The following CPNE4 variants were observed in gnomAD, a reference collection of about 807,000 sequenced individuals.
The protein encoded by CPNE4 is copine-4.
CPNE4 carries 25 observed loss-of-function variants against 67.9 expected under a neutral mutation model. The observed-to-expected ratio is 0.37, with a 90% confidence interval of 0.27 to 0.51. CPNE4 has a LOEUF of 0.51. CPNE4 is among the 20% of genes least tolerant of loss of function. The probability of loss-of-function intolerance (pLI) is 0.93; values close to 1 mark genes in which losing one functional copy is unlikely to be tolerated. For synonymous variants in CPNE4, 242 were observed against 244.9 expected, an observed-to-expected ratio of 0.99 and a Z score of 0.11; for missense variants, 464 against 690.8, an observed-to-expected ratio of 0.67 and a Z score of 3.68.
intron 7 of CPNE4, among the ~76,000 whole-genome samples, chr3:131,612,571 C>T (rs1046410810): frequency 2.0e-5 from 3 of 152,122 alleles, no homozygotes; most frequent in Non-Finnish European, 4.4e-5. Flanking sequence ...GTACCTCTCT[C>T]TTGGCATCTC....
At chr3:131,610,809 C>A (rs1014271270) in intron 7 of CPNE4, among the ~76,000 whole-genome samples, 2 of 152,136 alleles carry the variant, frequency 1.3e-5, no homozygotes, top group African/African-American at 4.8e-5. Flanking sequence ...GGGAAGACTT[C>A]TTGGAAGACA....
intron 1 of CPNE4, among the ~76,000 whole-genome samples, chr3:131,940,703 G>T (rs1183545004): frequency 6.6e-6 from 1 of 152,052 alleles, no homozygotes; most frequent in Non-Finnish European, 1.5e-5. Flanking sequence ...CCAGTTCTAG[G>T]ATAAGGAAAA....
chr3:131,671,893 G>T (rs1320591581), intron 6 of CPNE4, among the ~76,000 whole-genome samples: 1 of 151,490 alleles, frequency 6.6e-6, no homozygotes. Context: ...ATATTGTTCT[G>T]TCAAATACTA....
chr3:131,542,794 C>G lies in CPNE4; in HGVS notation c.1303-1G>C. On this transcript the variant is annotated splice_acceptor_variant, in intron 14 of 15. Transcript: ENST00000429747. LOFTEE classifies it high-confidence loss of function. Reference sequence around the variant, plus strand: ...TCAGGATCAGCAGGATGAAGTATTGCTGCAGTCAGATGCCCCATGATGATG... The same window carrying G: ...TCAGGATCAGCAGGATGAAGTATTGGTGCAGTCAGATGCCCCATGATGATG... 1 of 1,590,090 alleles carries G rather than the reference C, an allele frequency of 6.3e-7. No individual in the cohort carries two copies. Among genetic ancestry groups the G allele is most frequent in the Non-Finnish European group, 8.6e-7 (1 of 1,168,672 alleles).
intron 2 of CPNE4, among the ~76,000 whole-genome samples, chr3:131,888,661 G>C (rs1381686628): frequency 6.6e-6 from 1 of 152,164 alleles, no homozygotes; most frequent in Non-Finnish European, 1.5e-5. Flanking sequence ...GGAAGGGAAG[G>C]TTATCAGTAT....
chr3:131,798,886 T>G (rs1447021896), intron 2 of CPNE4, among the ~76,000 whole-genome samples: 2 of 152,264 alleles, frequency 1.3e-5, no homozygotes, highest in South Asian at 2.1e-4. Flanking sequence ...CTTGGAAGCT[T>G]TTATTTTTCC....
chr3:131,929,886 A>C (rs1450880051), intron 1 of CPNE4, among the ~76,000 whole-genome samples: 1 of 152,166 alleles, frequency 6.6e-6, no homozygotes, highest in Non-Finnish European at 1.5e-5. Flanking sequence ...AGCAGAGAAC[A>C]CTTTTCATAG....
At chr3:131,885,533 T>A (rs6774991) in intron 2 of CPNE4, among the ~76,000 whole-genome samples, 58,004 of 151,508 alleles carry the variant, frequency 0.38, 13,135 homozygotes, top group African/African-American at 0.63. Flanking sequence ...AAATTTTTTT[T>A]AATTTTTTTA....
At chr3:131,650,056 C>A (rs915080659) in intron 7 of CPNE4, among the ~76,000 whole-genome samples, 2 of 152,098 alleles carry the variant, frequency 1.3e-5, no homozygotes, top group Non-Finnish European at 2.9e-5. Context: ...AGAAGACAGA[C>A]GCTGAGAGAC....
intron 1 of CPNE4, among the ~76,000 whole-genome samples, chr3:131,924,617 A>G (rs1415258021): frequency 6.6e-6 from 1 of 152,162 alleles, no homozygotes; most frequent in East Asian, 1.9e-4. Flanking sequence ...TATTTTTAAA[A>G]ATTCCTTAGG....
intron 7 of CPNE4, among the ~76,000 whole-genome samples, chr3:131,611,326 A>G (rs999863547): frequency 5.9e-5 from 9 of 152,204 alleles, no homozygotes; most frequent in Non-Finnish European, 1.0e-4. Flanking sequence ...ACCCTTATTT[A>G]TAATAGTGCC....
Position 131,618,112 on chromosome 3 carries a change from C to T in CPNE4, c.682-30530G>A, listed in dbSNP as rs544461561. Among the ~76,000 whole-genome samples, 14 of 152,212 alleles carry T rather than the reference C, an allele frequency of 9.2e-5. No homozygotes were observed. The South Asian group carries it at 2.9e-3, about 32-fold the overall frequency. On this transcript the variant is annotated intron_variant, in intron 7 of 15. Coordinates refer to ENST00000429747, the MANE Select transcript of CPNE4 (RefSeq NM_130808.3). ...TTTGGAACTGGGTATAAGATAACTA[C>T]TGGAGATACAGGGAATGTCTCAAGA...
At chr3:131,980,748 A>G (rs1237524900) in intron 1 of CPNE4, among the ~76,000 whole-genome samples, 1 of 151,848 alleles carries the variant, frequency 6.6e-6, no homozygotes, top group African/African-American at 2.4e-5. Flanking sequence ...AACTAGTGTG[A>G]TTTTTGGGGG....
intron 2 of CPNE4, among the ~76,000 whole-genome samples, chr3:131,726,636 C>T (rs1186032366): frequency 6.9e-6 from 1 of 144,310 alleles, no homozygotes; most frequent in African/African-American, 2.6e-5. Context: ...GTTCATTTCT[C>T]ATTGAGAGGC....
intron 14 of CPNE4, among the ~76,000 whole-genome samples, chr3:131,547,128 A>G (rs563000791): frequency 2.1e-4 from 32 of 152,192 alleles, no homozygotes; most frequent in Non-Finnish European, 3.8e-4. Context: ...GGGCCCACGC[A>G]CTGGTGGAAA....
At chr3:131,907,104 A>G (rs372462481) in intron 1 of CPNE4, among the ~76,000 whole-genome samples, 2 of 152,122 alleles carry the variant, frequency 1.3e-5, no homozygotes, top group East Asian at 3.9e-4. Context: ...ACACATGAAG[A>G]AATGCTCTCC....
intron 2 of CPNE4, among the ~76,000 whole-genome samples, chr3:131,799,901 T>TGC (rs1284677298): frequency 9.8e-6 from 1 of 101,956 alleles, no homozygotes; most frequent in Non-Finnish European, 2.0e-5. Context: ...TTTTTGTTGG[T>TGC]GCGTGTGTGT....
chr3:131,780,923 C>G (rs558627869), intron 2 of CPNE4, among the ~76,000 whole-genome samples: 1 of 152,158 alleles, frequency 6.6e-6, no homozygotes, highest in Non-Finnish European at 1.5e-5. Flanking sequence ...GATATGGAAA[C>G]AGCACCTAGA....
At chr3:131,998,220 A>T (rs1437592587) in intron 1 of CPNE4, among the ~76,000 whole-genome samples, 1 of 152,148 alleles carries the variant, frequency 6.6e-6, no homozygotes, top group Non-Finnish European at 1.5e-5. Flanking sequence ...TCCCCTGATG[A>T]TGCAGCTGCA....
Sources: allele counts gnomAD v4.1 joint callset (sites outside exome capture counted in the v4.1 genomes callset), GRCh38; gene constraint gnomAD v4.1.1; transcripts MANE v1.5; gene names NCBI Gene and HGNC (gene_info 2026-07-23, HGNC 2026-07-21).